The following GREM2 variants were observed in gnomAD, a reference collection of about 807,000 sequenced individuals.
GREM2 encodes the protein gremlin-2.
Under a neutral mutation model 14.2 loss-of-function variants are expected in GREM2, and 11 were observed. The ratio of observed to expected loss-of-function variants is 0.78; its 90% CI spans 0.49 to 1.28. The LOEUF (loss-of-function observed/expected upper bound fraction) is 1.28, where lower values mean the gene tolerates loss of function less well. Ranked by LOEUF, GREM2 falls within the 50% of genes most tolerant of loss-of-function variation. The probability of loss-of-function intolerance (pLI) is 0.00; values close to 1 mark genes in which losing one functional copy is unlikely to be tolerated. For synonymous variants in GREM2, 98 were observed against 97.6 expected (o/e 1.00, Z -0.02); for missense variants, 210 against 218.5 (o/e 0.96, Z 0.24).
chr1:240,598,572 C>T (rs1679863424), intron 1 of GREM2, among the ~76,000 whole-genome samples: 1 of 152,148 alleles, frequency 6.6e-6, no homozygotes, highest in Admixed American at 6.5e-5. Context: ...TCTCATTCAA[C>T]CCCAAGAATA....
chr1:240,608,451 G>A (rs564564055), intron 1 of GREM2, among the ~76,000 whole-genome samples: 1 of 152,176 alleles, frequency 6.6e-6, no homozygotes, highest in African/African-American at 2.4e-5. Flanking sequence ...CATTATCCAG[G>A]GTTCGTGTTA....
At chr1:240,559,194 T>A (rs1678998527) in intron 1 of GREM2, among the ~76,000 whole-genome samples, 1 of 152,178 alleles carries the variant, frequency 6.6e-6, no homozygotes, top group South Asian at 2.1e-4. Context: ...ACAGTGCACT[T>A]GGATCTTTTA....
At chr1:240,584,966 T>A (rs1679561126) in intron 1 of GREM2, among the ~76,000 whole-genome samples, 1 of 152,092 alleles carries the variant, frequency 6.6e-6, no homozygotes, top group Non-Finnish European at 1.5e-5. Flanking sequence ...CCTTTGCCTT[T>A]TTTGTAGTTT....
intron 1 of GREM2, among the ~76,000 whole-genome samples, chr1:240,564,816 T>C (rs1057100819): frequency 6.6e-6 from 1 of 152,348 alleles, no homozygotes; most frequent in African/African-American, 2.4e-5. Context: ...CAGGTGGCAC[T>C]GGTGTGGCCA....
rs1421616352 is a variant in GREM2 at position 240,540,785 on chromosome 1, T to A, written c.-1-47309A>T. Among the ~76,000 whole-genome samples the A allele has an allele frequency of 3.9e-5, 6 of 152,088 alleles. No individual in the cohort carries two copies. Among genetic ancestry groups the A allele is most frequent in the African/African-American group, 1.4e-4 (6 of 41,422 alleles). On this transcript the variant is annotated intron_variant, in intron 1 of 1. Transcript: ENST00000318160. This position sits in a 1 kb window ranked among gnomAD's most constrained non-coding sequence, Gnocchi z 4.2. ...ACCATGTTGACCAGGGTGGTCTTGATCTACTGACCTCGTGATCTGCCTGCC... is the reference window on the plus strand; with the variant it reads ...ACCATGTTGACCAGGGTGGTCTTGAACTACTGACCTCGTGATCTGCCTGCC...
Position 240,540,171 on chromosome 1 carries a change from T to A in GREM2, c.-1-46695A>T, listed in dbSNP as rs1678555413. 6.6e-6 allele frequency among the ~76,000 whole-genome samples: 1 copy of A among 152,196 alleles called. No individual in the cohort carries two copies. The highest frequency in any genetic ancestry group is 2.4e-5 in the African/African-American group (1 of 41,444). On this transcript the variant is annotated intron_variant, in intron 1 of 1. Transcript: ENST00000318160. This position sits in a 1 kb window ranked among gnomAD's most constrained non-coding sequence, Gnocchi z 4.2. ...TCTCTGCAGAGAGGAAACCCAGAACTATCATTCTGTACACACACCAAACCA... is the reference window on the plus strand; with the variant it reads ...TCTCTGCAGAGAGGAAACCCAGAACAATCATTCTGTACACACACCAAACCA...
At chr1:240,597,532 A>G (rs1679844825) in intron 1 of GREM2, among the ~76,000 whole-genome samples, 2 of 152,124 alleles carry the variant, frequency 1.3e-5, no homozygotes, top group Non-Finnish European at 2.9e-5. Context: ...CTCCCGCCTC[A>G]TTTTACTCAA....
chr1:240,600,249 G>T (rs1679896889), intron 1 of GREM2, among the ~76,000 whole-genome samples: 1 of 151,956 alleles, frequency 6.6e-6, no homozygotes, highest in Non-Finnish European at 1.5e-5. Flanking sequence ...CTTTTATCTT[G>T]GAAACTCTTG....
chr1:240,534,717 C>T (rs1279995569), intron 1 of GREM2, among the ~76,000 whole-genome samples: 1 of 146,190 alleles, frequency 6.8e-6, no homozygotes, highest in Non-Finnish European at 1.5e-5. Flanking sequence ...AAAAAAAATG[C>T]AATACTATGG....
intron 1 of GREM2, among the ~76,000 whole-genome samples, chr1:240,509,382 T>C (rs1330339924): frequency 9.0e-6 from 1 of 110,602 alleles, no homozygotes; most frequent in Admixed American, 8.6e-5. Flanking sequence ...TTTTTTTTTT[T>C]TTTGAGACAG....
intron 1 of GREM2, among the ~76,000 whole-genome samples, chr1:240,559,584 T>TC (rs1572398496): frequency 6.6e-6 from 1 of 152,102 alleles, no homozygotes; most frequent in African/African-American, 2.4e-5. Flanking sequence ...CCTTAGGTGA[T>TC]CCACCCATCT....
At chr1:240,501,178 T>A (rs764090861) in intron 1 of GREM2, among the ~76,000 whole-genome samples, 2 of 152,130 alleles carry the variant, frequency 1.3e-5, no homozygotes, top group Non-Finnish European at 2.9e-5. Flanking sequence ...AATTAAAATA[T>A]GAGGAAAGGA....
chr1:240,546,290 G>C (rs12077509), intron 1 of GREM2, among the ~76,000 whole-genome samples: 30,363 of 151,604 alleles, frequency 0.2, 4,423 homozygotes, highest in African/African-American at 0.41. Context: ...AGTGAGCCAA[G>C]ATCGCGCTAC....
intron 1 of GREM2, among the ~76,000 whole-genome samples, chr1:240,557,235 A>G (rs1678965513): frequency 6.6e-6 from 1 of 151,816 alleles, no homozygotes; most frequent in Non-Finnish European, 1.5e-5. Flanking sequence ...AATAAATAAA[A>G]CGAATCACGG....
At chr1:240,587,777 A>C (rs1015395544) in intron 1 of GREM2, among the ~76,000 whole-genome samples, 3 of 152,190 alleles carry the variant, frequency 2.0e-5, no homozygotes, top group Non-Finnish European at 4.4e-5. Context: ...TAGACTACAC[A>C]ATGCTTAATT....
At chr1:240,555,145 CAAAA>C (rs1678929930) in intron 1 of GREM2, among the ~76,000 whole-genome samples, 1 of 126,444 alleles carries the variant, frequency 7.9e-6, no homozygotes, top group African/African-American at 3.2e-5. Flanking sequence ...AACTCCATCT[CAAAA>C]AAAAGAAAGA....
Position 240,573,571 on chromosome 1 carries a change from G to T in GREM2, c.-2+38313C>A, listed in dbSNP as rs558199446. On this transcript the variant is annotated intron_variant, in intron 1 of 1. Coordinates refer to ENST00000318160, the MANE Select transcript of GREM2 (RefSeq NM_022469.4). Reference sequence around the variant, plus strand: ...CCCTCTTAAGTCCTACGCCAGAGGCGCTCTGGTCTTGCCCTGGCGTCCTGC... The same window carrying T: ...CCCTCTTAAGTCCTACGCCAGAGGCTCTCTGGTCTTGCCCTGGCGTCCTGC... 2.0e-5 allele frequency among the ~76,000 whole-genome samples: 3 copies of T among 152,284 alleles called. No individual in the cohort carries two copies. The South Asian group carries it at 6.2e-4, about 32-fold the overall frequency.
intron 1 of GREM2, among the ~76,000 whole-genome samples, chr1:240,575,901 GAA>G (rs200904291): frequency 1.7e-4 from 22 of 130,452 alleles, no homozygotes; most frequent in Admixed American, 3.2e-4. Flanking sequence ...TGCTCTGCTG[GAA>G]AAAAAAAAAA....
intron 1 of GREM2, among the ~76,000 whole-genome samples, chr1:240,521,901 A>G (rs113784323): frequency 4.6e-5 from 7 of 151,984 alleles, no homozygotes. Flanking sequence ...TACTTGAGCC[A>G]TGGATTTTGA....
Sources: gnomAD v4.1 joint callset for allele counts (sites outside exome capture counted in the v4.1 genomes callset) on GRCh38, gnomAD v4.1.1 for gene constraint, Gnocchi (gnomAD v3.1) non-coding constraint, MANE v1.5 for transcripts, NCBI Gene and HGNC (gene_info 2026-07-23, HGNC 2026-07-21) for gene names.